Variants in KIF5C observed in about 807,000 individuals in gnomAD.
KIF5C encodes kinesin heavy chain isoform 5C.
A neutral mutation model predicts 125.2 loss-of-function variants in KIF5C; 18 were observed. The ratio of observed to expected loss-of-function variants is 0.14; its 90% CI spans 0.10 to 0.21. The LOEUF (loss-of-function observed/expected upper bound fraction) is 0.21. Ranked by LOEUF, KIF5C falls within the 10% of genes least tolerant of loss-of-function variation. The pLI is 1.00. For missense variants in KIF5C, 780 were observed against 1,183.8 expected, an observed-to-expected ratio of 0.66 and a Z score of 5.01; for synonymous variants, 405 against 434.0, an observed-to-expected ratio of 0.93 and a Z score of 0.83.
At chr2:148,940,720 T>C (rs1682389974) in intron 4 of KIF5C, among the ~76,000 whole-genome samples, 1 of 152,210 alleles carries the variant, frequency 6.6e-6, no homozygotes, top group Non-Finnish European at 1.5e-5. Flanking sequence ...AGACAGCAGA[T>C]GTAAACAGAG....
At chr2:148,929,699 G>GC (rs1050947460) in intron 3 of KIF5C, among the ~76,000 whole-genome samples, 1 of 152,114 alleles carries the variant, frequency 6.6e-6, no homozygotes, top group African/African-American at 2.4e-5. Context: ...CCTGATGAAG[G>GC]CCCCCGGGGA....
At chr2:148,953,519 G>C (rs181299289) in intron 10 of KIF5C, among the ~76,000 whole-genome samples, 60 of 152,328 alleles carry the variant, frequency 3.9e-4, no homozygotes, top group African/African-American at 1.3e-3. Context: ...CATCGGATTA[G>C]ACATGGTATG....
At position 149,025,608 on chromosome 2, in the gene KIF5C, T is replaced by A. The variant is rs1424277278; in HGVS notation, c.*2538T>A. On this transcript the variant is annotated 3_prime_UTR_variant, in exon 26 of 26. Coordinates refer to ENST00000435030, the MANE Select transcript of KIF5C (RefSeq NM_004522.3). ...GCTTTTGACTAGCATGTATTGTGTC[T>A]TTTTCTCCTCTATGAATAATTTTAT... 1 of 152,236 alleles carries A rather than the reference T, an allele frequency of 6.6e-6. No individual in the cohort carries two copies. Among genetic ancestry groups the A allele is most frequent in the African/African-American group, 2.4e-5 (1 of 41,464 alleles). The allele number at this position is 152,236 out of a possible 1,614,324, so 9.4% of individuals were successfully genotyped here.
At chr2:148,936,250 T>G (rs1478417658) in intron 3 of KIF5C, among the ~76,000 whole-genome samples, 1 of 152,230 alleles carries the variant, frequency 6.6e-6, no homozygotes, top group African/African-American at 2.4e-5. Context: ...ACCACTGCAC[T>G]GCAGCCTGGG....
rs192989187 is a variant in KIF5C at position 148,975,206 on chromosome 2, G to T, written c.1293+1695G>T. On this transcript the variant is annotated intron_variant, in intron 12 of 25. Coordinates refer to ENST00000435030, the MANE Select transcript of KIF5C (RefSeq NM_004522.3). ...CTGAGCCTAGAAGCCTCAGCCTTAG[G>T]GGGCACCAGAGCTAATGGTTTGCCC... is the stretch of plus-strand genomic sequence containing the variant. Among the ~76,000 whole-genome samples, 42 of 152,242 alleles carry T rather than the reference G, an allele frequency of 2.8e-4. 1 individual carries two copies. The highest frequency in any genetic ancestry group is 2.4e-3 in the Admixed American group (36 of 15,302).
At chr2:149,021,698 G>A (rs1409400631) in intron 25 of KIF5C, among the ~76,000 whole-genome samples, 1 of 147,980 alleles carries the variant, frequency 6.8e-6, no homozygotes, top group African/African-American at 2.5e-5. Flanking sequence ...AATGCATAAT[G>A]TGTCAGGTTA....
chr2:148,952,828 C>CT (rs1371121056), intron 10 of KIF5C, among the ~76,000 whole-genome samples: 1 of 152,198 alleles, frequency 6.6e-6, no homozygotes, highest in Non-Finnish European at 1.5e-5. Context: ...CGATGGCAGG[C>CT]TATCGGTGAT....
intron 10 of KIF5C, among the ~76,000 whole-genome samples, chr2:148,952,267 C>CA (rs985695200): frequency 3.3e-5 from 5 of 152,006 alleles, no homozygotes; most frequent in African/African-American, 1.2e-4. Context: ...AACATCTCTT[C>CA]AAAAAAAATC....
Position 148,891,727 on chromosome 2 carries a change from C to T in KIF5C, c.126+15984C>T, listed in dbSNP as rs540433570. 4.5e-4 allele frequency among the ~76,000 whole-genome samples: 69 copies of T among 152,208 alleles called. 1 individual carries two copies. In the South Asian group the frequency reaches 0.014, roughly 31 times the overall value. On this transcript the variant is annotated intron_variant, in intron 1 of 25. Transcript: ENST00000435030. Reference sequence around the variant, plus strand: ...TTTTTGTTTTTTTGAGACAGAGTCTCACTCTTGTTGCCCAGGCTGGAGTGC... The same window carrying T: ...TTTTTGTTTTTTTGAGACAGAGTCTTACTCTTGTTGCCCAGGCTGGAGTGC...
intron 10 of KIF5C, among the ~76,000 whole-genome samples, chr2:148,961,388 G>A (rs906619284): frequency 1.6e-4 from 24 of 152,226 alleles, no homozygotes; most frequent in Admixed American, 1.5e-3. Flanking sequence ...TGAGGCATGT[G>A]TTGATGTGAT....
Position 148,925,564 on chromosome 2 carries a change from C to T in KIF5C, c.217+3337C>T, listed in dbSNP as rs144013248. 2.9e-3 allele frequency among the ~76,000 whole-genome samples: 442 copies of T among 152,238 alleles called. 4 individuals are homozygous for T. Among genetic ancestry groups the T allele is most frequent in the Non-Finnish European group, 4.4e-3 (301 of 68,022 alleles). On this transcript the variant is annotated intron_variant, in intron 2 of 25. Coordinates refer to ENST00000435030, the MANE Select transcript of KIF5C (RefSeq NM_004522.3). ...GGCTCAGAGAAGTGAAGTAACTTGG[C>T]CAGGTTGGTTCGGGGGCCATGGACT... is the stretch of plus-strand genomic sequence containing the variant.
intron 7 of KIF5C, among the ~76,000 whole-genome samples, chr2:148,943,461 G>T (rs1222695420): frequency 1.3e-5 from 2 of 152,168 alleles, no homozygotes; most frequent in African/African-American, 4.8e-5. Flanking sequence ...AACAGAAGCT[G>T]AGAGAACTAA....
chr2:148,960,635 T>C (rs1377979807), intron 10 of KIF5C, among the ~76,000 whole-genome samples: 1 of 152,258 alleles, frequency 6.6e-6, no homozygotes, highest in African/African-American at 2.4e-5. Flanking sequence ...ACTCCTCTTT[T>C]GACAGTTGGG....
intron 21 of KIF5C, among the ~76,000 whole-genome samples, chr2:149,005,063 A>G (rs1411006834): frequency 6.6e-6 from 1 of 152,246 alleles, no homozygotes; most frequent in African/African-American, 2.4e-5. Context: ...ATTCACCCTG[A>G]TACAACATAG....
At chr2:148,899,001 A>G (rs2105054134) in intron 1 of KIF5C, among the ~76,000 whole-genome samples, 1 of 152,374 alleles carries the variant, frequency 6.6e-6, no homozygotes, top group East Asian at 1.9e-4. Context: ...TTATGTTCAC[A>G]TTAATAACCA....
At chr2:149,020,038 G>A (rs1179311021) in intron 25 of KIF5C, 1 of 152,260 alleles carries the variant, frequency 6.6e-6, no homozygotes, top group Non-Finnish European at 1.5e-5. Flanking sequence ...TTGGAAGAGA[G>A]TCAACAGGAC....
rs1363476219 is a variant in KIF5C at position 148,922,181 on chromosome 2, G to T, written c.171G>T (p.Thr57=). The T allele has an allele frequency of 1.2e-6, 2 of 1,613,104 alleles. No homozygotes were observed. The highest frequency in any genetic ancestry group is 1.7e-5 in the Admixed American group (1 of 59,840). Residue 57 remains threonine (T), a synonymous_variant, in exon 2 of 26, where the codon ACG becomes ACT. Coordinates refer to ENST00000435030, the MANE Select transcript of KIF5C (RefSeq NM_004522.3). ...YVFDRVLPPN[T]TQEQVYNACA... is the part of the protein sequence containing the mutation. ...TCGACAGAGTGCTACCTCCCAACACGACCCAAGAGCAGGTTTACAATGCAT... is the reference window on the plus strand; with the variant it reads ...TCGACAGAGTGCTACCTCCCAACACTACCCAAGAGCAGGTTTACAATGCAT...
intron 12 of KIF5C, among the ~76,000 whole-genome samples, chr2:148,977,816 T>G (rs1379130556): frequency 6.6e-6 from 1 of 152,210 alleles, no homozygotes; most frequent in Non-Finnish European, 1.5e-5. Flanking sequence ...AATGTATGCA[T>G]AGATATCACC....
At chr2:149,006,416 G>T (rs543050081) in intron 22 of KIF5C, among the ~76,000 whole-genome samples, 1 of 152,174 alleles carries the variant, frequency 6.6e-6, no homozygotes, top group African/African-American at 2.4e-5. Context: ...AAATACATGC[G>T]GGTGGAAAGA....
Sources: gnomAD v4.1 joint callset for allele counts (sites outside exome capture counted in the v4.1 genomes callset) on GRCh38, gnomAD v4.1.1 for gene constraint, MANE v1.5 for transcripts, NCBI Gene and HGNC (gene_info 2026-07-23, HGNC 2026-07-21) for gene names.